SGCD: variants seen among roughly 807,000 people sequenced by gnomAD.
The protein encoded by SGCD is delta-sarcoglycan.
Under a neutral mutation model 36.6 loss-of-function variants are expected in SGCD, and 18 were observed. The ratio of observed to expected loss-of-function variants is 0.49; its 90% CI spans 0.34 to 0.73. SGCD has a LOEUF of 0.73. Ranked by LOEUF, SGCD falls within the 30% of genes least tolerant of loss-of-function variation. SGCD has a pLI of 0.01. For missense variants in SGCD, 387 were observed against 346.7 expected, an observed-to-expected ratio of 1.12 and a Z score of -0.92; for synonymous variants, 133 against 130.6, an observed-to-expected ratio of 1.02 and a Z score of -0.12.
chr5:156,028,626 T>C (rs1010396660), intron 1 of SGCD, among the ~76,000 whole-genome samples: 28 of 152,152 alleles, frequency 1.8e-4, no homozygotes, highest in African/African-American at 6.0e-4. Context: ...GTGAGTTCTA[T>C]CAGTCAGAAT....
intron 3 of SGCD, among the ~76,000 whole-genome samples, chr5:156,229,289 TATATATATATAAA>T (rs1203845014): frequency 8.3e-6 from 1 of 119,886 alleles, no homozygotes; most frequent in Non-Finnish European, 1.7e-5. Context: ...TATATATATA[TATATATATATAAA>T]ATTAGTTCTT....
the SGCD span, among the ~76,000 whole-genome samples, chr5:155,809,306 C>G: frequency 6.6e-6 from 1 of 152,180 alleles, no homozygotes; most frequent in African/African-American, 2.4e-5. Flanking sequence ...GCATTTTTAT[C>G]CATCTCACTG....
chr5:156,592,050 G>A (rs1760742534), intron 5 of SGCD, among the ~76,000 whole-genome samples: 4 of 152,138 alleles, frequency 2.6e-5, no homozygotes, highest in Admixed American at 2.6e-4. Flanking sequence ...TCTGATTGCT[G>A]AAGCATACTT....
chr5:156,566,050 C>A (rs1021340797), intron 4 of SGCD, among the ~76,000 whole-genome samples: 1 of 152,072 alleles, frequency 6.6e-6, no homozygotes, highest in African/African-American at 2.4e-5. Context: ...TATGAACAGA[C>A]ACTTCACAAA....
At chr5:155,824,565 G>T in the SGCD span, among the ~76,000 whole-genome samples, 1 of 152,058 alleles carries the variant, frequency 6.6e-6, no homozygotes, top group Non-Finnish European at 1.5e-5. Flanking sequence ...TATTGATAAT[G>T]ATTTATCATA....
chr5:156,403,413 A>G (rs927031058), intron 3 of SGCD, among the ~76,000 whole-genome samples: 4 of 152,026 alleles, frequency 2.6e-5, no homozygotes, highest in African/African-American at 7.3e-5. Context: ...TCTAATCTCA[A>G]CTCTGCTCCA....
intron 7 of SGCD, among the ~76,000 whole-genome samples, chr5:156,671,183 A>G (rs563316871): frequency 7.2e-4 from 109 of 151,616 alleles, no homozygotes; most frequent in African/African-American, 2.2e-3. Context: ...CATTAAAAAA[A>G]AAAGAAAGAA....
intron 3 of SGCD, among the ~76,000 whole-genome samples, chr5:156,419,722 C>T (rs1773214670): frequency 6.6e-6 from 1 of 152,136 alleles, no homozygotes; most frequent in South Asian, 2.1e-4. Context: ...AGAAAATAGA[C>T]TGCCTTAATC....
the SGCD span, among the ~76,000 whole-genome samples, chr5:155,830,435 A>G: frequency 6.6e-6 from 1 of 152,156 alleles, no homozygotes; most frequent in Non-Finnish European, 1.5e-5. Context: ...TAAAGCCTCT[A>G]TCTCCAAATG....
At chr5:156,365,067 T>C (rs1388438004) in intron 3 of SGCD, among the ~76,000 whole-genome samples, 2 of 152,120 alleles carry the variant, frequency 1.3e-5, no homozygotes, top group Non-Finnish European at 2.9e-5. Context: ...AAAATGACAG[T>C]ATAAAAATGT....
intron 7 of SGCD, among the ~76,000 whole-genome samples, chr5:156,650,336 T>A (rs536692532): frequency 1.6e-4 from 24 of 152,274 alleles, no homozygotes; most frequent in Admixed American, 2.6e-4. Flanking sequence ...GAATTTTTTT[T>A]AATAATTTCA....
At chr5:156,258,916 T>C (rs947275940) in intron 3 of SGCD, among the ~76,000 whole-genome samples, 1 of 152,016 alleles carries the variant, frequency 6.6e-6, no homozygotes, top group Non-Finnish European at 1.5e-5. Flanking sequence ...GGGTTCTGAC[T>C]AAAACTCTTT....
At chr5:156,748,377 C>A (rs1182287311) in intron 7 of SGCD, among the ~76,000 whole-genome samples, 2 of 152,106 alleles carry the variant, frequency 1.3e-5, no homozygotes, top group African/African-American at 4.8e-5. Flanking sequence ...AATAAAAAGT[C>A]ATCTGAAATT....
chr5:156,350,662 A>G (rs1226125457), intron 3 of SGCD, among the ~76,000 whole-genome samples: 2 of 152,112 alleles, frequency 1.3e-5, no homozygotes, highest in Non-Finnish European at 2.9e-5. Flanking sequence ...TTGAGACTAC[A>G]TATTTCATTT....
chr5:156,512,556 T>C (rs916499044), intron 4 of SGCD, among the ~76,000 whole-genome samples: 1 of 152,230 alleles, frequency 6.6e-6, no homozygotes, highest in Non-Finnish European at 1.5e-5. Context: ...TTTCTCATAA[T>C]GTATCCTCAT....
At chr5:155,957,947 G>T (rs145220433) in intron 1 of SGCD, among the ~76,000 whole-genome samples, 3 of 152,088 alleles carry the variant, frequency 2.0e-5, no homozygotes, top group African/African-American at 7.2e-5. Context: ...TTGTAGGTAG[G>T]TAGTCCTGGG....
At chr5:155,949,842 A>C (rs760003638) in intron 1 of SGCD, among the ~76,000 whole-genome samples, 1 of 152,180 alleles carries the variant, frequency 6.6e-6, no homozygotes, top group Non-Finnish European at 1.5e-5. Context: ...TTTGGGGATT[A>C]CTGATAGATC....
the SGCD span, among the ~76,000 whole-genome samples, chr5:155,754,283 C>A: frequency 6.6e-6 from 1 of 152,140 alleles, no homozygotes; most frequent in Non-Finnish European, 1.5e-5. Context: ...GAGATATGGG[C>A]ATGAGAAAAT....
chr5:155,935,375 T>C (rs1159908058), intron 1 of SGCD, among the ~76,000 whole-genome samples: 1 of 152,190 alleles, frequency 6.6e-6, no homozygotes. Flanking sequence ...TGGGCTATTG[T>C]GGTTGACAAG....
Sources: gnomAD v4.1 joint callset for allele counts (sites outside exome capture counted in the v4.1 genomes callset) on GRCh38, gnomAD v4.1.1 for gene constraint, MANE v1.5 for transcripts, NCBI Gene and HGNC (gene_info 2026-07-23, HGNC 2026-07-21) for gene names.